Variants in SLC45A1 observed in about 807,000 individuals in gnomAD.
SLC45A1 encodes the protein solute carrier family 45 member 1, also known as proton-associated sugar transporter A.
In SLC45A1, 28 loss-of-function variants were observed where a neutral mutation model predicts 57.6. The ratio of observed to expected loss-of-function variants is 0.49; its 90% CI spans 0.36 to 0.67. SLC45A1 has a LOEUF of 0.67. Among genes scored for constraint, SLC45A1 ranks in the 30% least tolerant of loss-of-function variants. The probability of loss-of-function intolerance (pLI) is 0.00; values close to 1 mark genes in which losing one functional copy is unlikely to be tolerated. For synonymous variants in SLC45A1, 459 were observed against 471.5 expected (o/e 0.97, Z 0.34); for missense variants, 814 against 1,041.5 (o/e 0.78, Z 3.01).
intron 8 of SLC45A1, among the ~76,000 whole-genome samples, chr1:8,342,774 C>T (rs777541144): frequency 5.8e-5 from 8 of 138,294 alleles, no homozygotes; most frequent in Admixed American, 2.2e-4. Context: ...TGGCATGCAC[C>T]GGTAGTTCCA....
At position 8,327,520 on chromosome 1, in the gene SLC45A1, C is replaced by G. The variant is rs1352981110; in HGVS notation, c.715+1478C>G. Among the ~76,000 whole-genome samples the G allele has an allele frequency of 6.6e-6, 1 of 152,110 alleles. No individual in the cohort carries two copies. Among genetic ancestry groups the G allele is most frequent in the Non-Finnish European group, 1.5e-5 (1 of 68,026 alleles). ...AGTTATCAATGTACTGTATAAAAAT[C>G]AATACTGGTTGGGTGCAGTGGCTCA... On this transcript the variant is annotated intron_variant, in intron 4 of 8. Coordinates refer to ENST00000471889, the MANE Select transcript of SLC45A1 (RefSeq NM_001080397.3). The surrounding 1 kb of genome is among the most constrained non-coding windows in gnomAD (Gnocchi z 4.3).
At chr1:8,320,727 ACACAC>A (rs1426744724) in intron 1 of SLC45A1, among the ~76,000 whole-genome samples, 25 of 96,842 alleles carry the variant, frequency 2.6e-4, no homozygotes, top group African/African-American at 7.9e-4. Context: ...ACACACACAC[ACACAC>A]ACCTGCCATA....
In SLC45A1 at chr1:8,319,709, T is replaced by G. The variant is rs75068299; in HGVS notation, c.-25+1523T>G. ...TTTATGGGAACCTTAAAAATGGATTTTTGTTGTTGTTGTTGTTGTTTTTTG... is the reference window on the plus strand; with the variant it reads ...TTTATGGGAACCTTAAAAATGGATTGTTGTTGTTGTTGTTGTTGTTTTTTG... On this transcript the variant is annotated intron_variant, in intron 1 of 8. Transcript: ENST00000471889. Among the ~76,000 whole-genome samples, 1,447 of 152,122 alleles carry G rather than the reference T, an allele frequency of 9.5e-3. 19 individuals are homozygous for G. Among genetic ancestry groups the G allele is most frequent in the African/African-American group, 0.033 (1,366 of 41,482 alleles).
rs1640333791 is a variant in SLC45A1, at chr1:8,330,030, C to T, written c.716-179C>T. The T allele has an allele frequency of 1.3e-6, 1 of 750,692 alleles. No homozygotes were observed. The allele number at this position is 750,692 out of a possible 1,614,324, so 46.5% of individuals were successfully genotyped here. A position where few individuals can be genotyped will look rare whatever the true frequency, so the allele number is the denominator to read the frequency against. ...GCTGTGCAGGACAGGAGGGGGACCT[C>T]CTCAAGGGGCCCGCCCTGGGAATCC... On this transcript the variant is annotated intron_variant, in intron 4 of 8. Coordinates refer to ENST00000471889, the MANE Select transcript of SLC45A1 (RefSeq NM_001080397.3). The surrounding 1 kb of genome is among the most constrained non-coding windows in gnomAD (Gnocchi z 8.4).
At chr1:8,338,105 T>C (rs1156542999) in intron 7 of SLC45A1, 113 bp downstream of exon 7, 5 of 975,374 alleles carry the variant, frequency 5.1e-6, no homozygotes, top group Non-Finnish European at 7.5e-6. Context: ...ACATCCCAAT[T>C]TGGGGGACGC....
Position 8,324,562 on chromosome 1 carries a change from T to G in SLC45A1, c.233T>G (p.Leu78Arg). 6.9e-7 allele frequency: 1 copy of G among 1,449,650 alleles called. No homozygotes were observed. The highest frequency in any genetic ancestry group is 9.3e-7 in the Non-Finnish European group (1 of 1,079,658). The allele number at this position is 1,449,650 out of a possible 1,614,324, so 89.8% of individuals were successfully genotyped here. Residue 78 changes from leucine to arginine, a missense_variant, in exon 2 of 9, where the codon CTG becomes CGG. Transcript: ENST00000471889. ...CTTGAGCTGGTGGACTTCGGGGACC[T>G]GCACCCCCAGAGGTCCTTCCGGGAG... The part of the protein sequence containing the change: ...CPLELVDFGD[L>R]HPQRSFRELL...
At chr1:8,331,259 T>C (rs1173272298) in intron 5 of SLC45A1, among the ~76,000 whole-genome samples, 1 of 151,078 alleles carries the variant, frequency 6.6e-6, no homozygotes, top group African/African-American at 2.4e-5. Flanking sequence ...AAAAATATTT[T>C]TAAAAAACAC....
intron 1 of SLC45A1, among the ~76,000 whole-genome samples, chr1:8,322,242 G>A (rs1391230612): frequency 0.24 from 17 of 72 alleles, no homozygotes; most frequent in Admixed American, 0.25. Flanking sequence ...TGGGTGGGTG[G>A]ATGGATGGAT....
intron 8 of SLC45A1, among the ~76,000 whole-genome samples, chr1:8,339,994 C>T (rs559191724): frequency 6.6e-6 from 1 of 152,300 alleles, no homozygotes; most frequent in Non-Finnish European, 1.5e-5. Context: ...ATTGTCAGGC[C>T]ACCGGGTCTC....
intron 2 of SLC45A1, 34 bp downstream of exon 2, chr1:8,324,760 C>T: frequency 5.2e-6 from 8 of 1,527,092 alleles, no homozygotes; most frequent in Non-Finnish European, 7.0e-6. Context: ...GGTGGAGGGC[C>T]TCTGGAAGCC....
In SLC45A1 at chr1:8,343,696, C is replaced by T. The variant is rs560973455; in HGVS notation, c.1981-51C>T. On this transcript the variant is annotated intron_variant, in intron 8 of 8. Coordinates refer to ENST00000471889, the MANE Select transcript of SLC45A1 (RefSeq NM_001080397.3). The surrounding 1 kb of genome is among the most constrained non-coding windows in gnomAD (Gnocchi z 7.7). ...CGCAGGACACACCGAGCTCGGTCAC[C>T]CCGTGCTGGCCGCGGCGTGTCTCGC... The T allele has an allele frequency of 6.4e-7, 1 of 1,568,986 alleles. No individual in the cohort carries two copies. The highest frequency in any genetic ancestry group is 8.7e-7 in the Non-Finnish European group (1 of 1,153,884).
At chr1:8,337,128 C>T (rs1343187094) in intron 6 of SLC45A1, among the ~76,000 whole-genome samples, 1 of 152,214 alleles carries the variant, frequency 6.6e-6, no homozygotes, top group African/African-American at 2.4e-5. Context: ...TTCCACATGG[C>T]TGGGGAGGAC....
chr1:8,320,698 C>CT (rs1228989949), intron 1 of SLC45A1, among the ~76,000 whole-genome samples: 18 of 10,442 alleles, frequency 1.7e-3, no homozygotes, highest in East Asian at 0.01. Flanking sequence ...TCTCTACACA[C>CT]ACACACACAC....
rs1261841921 is a variant in SLC45A1, at chr1:8,343,871, T to C, written c.2105T>C (p.Val702Ala). 3.1e-6 allele frequency: 5 copies of C among 1,614,160 alleles called. No individual in the cohort carries two copies. The highest frequency in any genetic ancestry group is 4.2e-6 in the Non-Finnish European group (5 of 1,180,014). The change falls in exon 9 of 9, where the codon GTG becomes GCG. Residue 702 changes from valine (V) to alanine (A), a missense_variant. Transcript: ENST00000471889. This position sits in a 1 kb window ranked among gnomAD's most constrained non-coding sequence, Gnocchi z 7.7. ...GTCCTGGGGCCCCTGACCTCGGCCGTGGGCAGTGCCAACGGGGTGATGTAC... is the reference window on the plus strand; with the variant it reads ...GTCCTGGGGCCCCTGACCTCGGCCGCGGGCAGTGCCAACGGGGTGATGTAC... ...SLVLGPLTSAVGSANGVMYFS... is the reference protein window; with the variant it reads ...SLVLGPLTSAAGSANGVMYFS...
intron 1 of SLC45A1, among the ~76,000 whole-genome samples, chr1:8,323,229 A>G (rs1640085713): frequency 6.6e-6 from 1 of 152,122 alleles, no homozygotes; most frequent in African/African-American, 2.4e-5. Context: ...ACGGTGGCTC[A>G]CGCCTGTAAT....
chr1:8,331,168 G>A (rs1333393448), intron 5 of SLC45A1, among the ~76,000 whole-genome samples: 1 of 152,116 alleles, frequency 6.6e-6, no homozygotes. Context: ...TTGAACTCAG[G>A]AGTTTGAAAC....
Position 8,330,967 on chromosome 1 carries a change from C to G in SLC45A1, c.1443+31C>G, listed in dbSNP as rs2124306066. ...AGCAAATGTCGGGGGAGCTGAGGCT[C>G]AGAGGGTGGCATTCGGGGGTCCCCT... is the stretch of plus-strand genomic sequence containing the variant. On this transcript the variant is annotated intron_variant, in intron 5 of 8. Transcript: ENST00000471889. This position sits in a 1 kb window ranked among gnomAD's most constrained non-coding sequence, Gnocchi z 8.4. 6.5e-7 allele frequency: 1 copy of G among 1,545,136 alleles called. No individual in the cohort carries two copies. Among genetic ancestry groups the G allele is most frequent in the Middle Eastern group, 1.7e-4 (1 of 5,744 alleles).
At chr1:8,322,471 G>T (rs528321860) in intron 1 of SLC45A1, among the ~76,000 whole-genome samples, 86 of 151,920 alleles carry the variant, frequency 5.7e-4, no homozygotes, top group African/African-American at 1.7e-3. Context: ...TCTTTATCCT[G>T]CTGGGATGTC....
rs751399838 is a variant in SLC45A1, at chr1:8,324,536, G to T, written c.207G>T (p.Pro69=). ...CCCCGCCCCCCAACACCCCGTGCCC[G>T]CTTGAGCTGGTGGACTTCGGGGACC... ...SPPPPPNTPC[P]LELVDFGDLH... is the part of the protein sequence containing the mutation. Residue 69 remains proline (P), a synonymous_variant, in exon 2 of 9, where the codon CCG becomes CCT. Coordinates refer to ENST00000471889, the MANE Select transcript of SLC45A1 (RefSeq NM_001080397.3). The T allele has an allele frequency of 1.1e-6, 1 of 945,446 alleles. No individual in the cohort carries two copies. The highest frequency in any genetic ancestry group is 2.1e-5 in the Admixed American group (1 of 47,044). 58.6% of individuals were successfully genotyped at this position (945,446 alleles called of 1,614,324 possible).
Sources: gnomAD v4.1 joint callset for allele counts (sites outside exome capture counted in the v4.1 genomes callset) on GRCh38, gnomAD v4.1.1 for gene constraint, Gnocchi (gnomAD v3.1) non-coding constraint, MANE v1.5 for transcripts, NCBI Gene and HGNC (gene_info 2026-07-23, HGNC 2026-07-21) for gene names.